ACBD6: variants seen among roughly 807,000 people sequenced by gnomAD.
The protein encoded by ACBD6 is acyl-CoA-binding domain-containing protein 6.
Under a neutral mutation model 37.2 loss-of-function variants are expected in ACBD6, and 28 were observed. The observed-to-expected ratio is 0.75, with a 90% CI of 0.56 to 1.03. ACBD6 has a LOEUF of 1.03. Ranked by LOEUF, ACBD6 falls within the 50% of genes least tolerant of loss-of-function variation. The pLI, the probability that ACBD6 is intolerant of heterozygous loss-of-function variation, is 0.00. For synonymous variants in ACBD6, 113 were observed against 126.8 expected, an observed-to-expected ratio of 0.89 and a Z score of 0.73; for missense variants, 340 against 337.4, an observed-to-expected ratio of 1.01 and a Z score of -0.06.
intron 7 of ACBD6, among the ~76,000 whole-genome samples, chr1:180,303,432 C>T (rs1440408525): frequency 1.3e-5 from 2 of 149,364 alleles, no homozygotes; most frequent in Non-Finnish European, 3.0e-5. Flanking sequence ...ACATCACCAC[C>T]AATCCCGCAG....
At chr1:180,334,848 G>C (rs1207825152) in intron 6 of ACBD6, among the ~76,000 whole-genome samples, 3 of 152,140 alleles carry the variant, frequency 2.0e-5, no homozygotes, top group Non-Finnish European at 2.9e-5. Context: ...CATGGCACGA[G>C]AACTACGTGA....
rs955911331 is a variant in ACBD6, at chr1:180,501,935, T to C, written c.222+110A>G. 5 of 875,166 alleles carry C rather than the reference T, an allele frequency of 5.7e-6. No homozygotes were observed. In the African/African-American group the frequency reaches 8.0e-5, roughly 14 times the overall value. 54.2% of individuals were successfully genotyped at this position (875,166 alleles called of 1,614,324 possible). ...AAAAAAAAACAAAACAAAATACACA[T>C]ACACAAGCTTCATTACACCTAGCTA... On this transcript the variant is annotated intron_variant, in intron 1 of 7. Transcript: ENST00000367595.
chr1:180,499,720 C>T (rs2102105847), intron 1 of ACBD6, among the ~76,000 whole-genome samples: 1 of 152,246 alleles, frequency 6.6e-6, no homozygotes, highest in South Asian at 2.1e-4. Context: ...TCAAAAGTTT[C>T]ACTCTAATGT....
intron 8 of ACBD6, among the ~76,000 whole-genome samples, chr1:180,282,374 A>G (rs1446746020): frequency 6.6e-6 from 1 of 152,154 alleles, no homozygotes; most frequent in Admixed American, 6.5e-5. Context: ...CTTGGCACAC[A>G]TTTGGAGTTG....
intron 3 of ACBD6, among the ~76,000 whole-genome samples, chr1:180,464,107 G>A (rs10914003): frequency 0.99 from 151,173 of 152,296 alleles, 75,036 homozygotes; most frequent in East Asian, 1. Flanking sequence ...ATACTAACTG[G>A]GCAAAAGCTG....
chr1:180,324,825 TTTC>T (rs1335729094), intron 6 of ACBD6, among the ~76,000 whole-genome samples: 1 of 152,214 alleles, frequency 6.6e-6, no homozygotes, highest in African/African-American at 2.4e-5. Context: ...ACAGTCTTTA[TTTC>T]TTCTTCATGC....
At chr1:180,364,980 A>G (rs1334104752) in intron 6 of ACBD6, among the ~76,000 whole-genome samples, 9 of 152,072 alleles carry the variant, frequency 5.9e-5, no homozygotes, top group Admixed American at 1.3e-4. Context: ...TGATCCGCCC[A>G]CCTTGGCCTC....
At chr1:180,302,014 T>C (rs575129731) in intron 7 of ACBD6, among the ~76,000 whole-genome samples, 7 of 152,038 alleles carry the variant, frequency 4.6e-5, no homozygotes, top group East Asian at 1.9e-4. Flanking sequence ...TTTTGATAAA[T>C]TTTAACTTTT....
chr1:180,442,466 A>G (rs1317119494), intron 3 of ACBD6, among the ~76,000 whole-genome samples: 1 of 152,222 alleles, frequency 6.6e-6, no homozygotes, highest in Non-Finnish European at 1.5e-5. Context: ...CCAGAATATC[A>G]ATGGAGCAAA....
chr1:180,274,291 AG>A, intron 10 of ACBD6: 1 of 1,614,218 alleles, frequency 6.2e-7, no homozygotes, highest in Non-Finnish European at 8.5e-7. Flanking sequence ...TGGACGGGAC[AG>A]GACAATCCTA....
intron 3 of ACBD6, among the ~76,000 whole-genome samples, chr1:180,490,684 G>T (rs535155758): frequency 6.6e-6 from 1 of 151,534 alleles, no homozygotes; most frequent in African/African-American, 2.4e-5. Flanking sequence ...TACTCAGGCG[G>T]CTGAGGCAGG....
In ACBD6 at chr1:180,314,597, C is replaced by T. The variant is rs1650725764; in HGVS notation, c.694+95G>A. 5 of 1,017,436 alleles carry T rather than the reference C, an allele frequency of 4.9e-6. No individual in the cohort carries two copies. The South Asian group carries it at 6.9e-5, about 14-fold the overall frequency. 63.0% of individuals were successfully genotyped at this position (1,017,436 alleles called of 1,614,324 possible). A position where few individuals can be genotyped will look rare whatever the true frequency, so the allele number is the denominator to read the frequency against. On this transcript the variant is annotated intron_variant, in intron 7 of 7. Coordinates refer to ENST00000367595, the MANE Select transcript of ACBD6 (RefSeq NM_032360.4). ...TTGTATCTCTGCTAGCTGCCAGGTA[C>T]CTATCTAAGCACTATATAGGAATGG...
chr1:180,334,160 G>C (rs1179051841), intron 6 of ACBD6, among the ~76,000 whole-genome samples: 1 of 152,238 alleles, frequency 6.6e-6, no homozygotes, highest in Admixed American at 6.5e-5. Context: ...CAGCTTTGAA[G>C]AGAGTAGTGG....
chr1:180,499,978 G>A (rs986525123), intron 1 of ACBD6, among the ~76,000 whole-genome samples: 6 of 152,092 alleles, frequency 3.9e-5, no homozygotes, highest in South Asian at 4.2e-4. Flanking sequence ...CTGGGCATGC[G>A]GGATCATGTC....
At chr1:180,294,498 C>T (rs943419715) in intron 7 of ACBD6, among the ~76,000 whole-genome samples, 3 of 151,718 alleles carry the variant, frequency 2.0e-5, no homozygotes, top group East Asian at 1.9e-4. Context: ...AGGCTGAGAT[C>T]GCACCACTGC....
chr1:180,369,454 A>C (rs1193672840), intron 6 of ACBD6, among the ~76,000 whole-genome samples: 2 of 152,140 alleles, frequency 1.3e-5, no homozygotes, highest in Non-Finnish European at 2.9e-5. Context: ...TAAAAGTACT[A>C]AGCAGCTATA....
intron 6 of ACBD6, among the ~76,000 whole-genome samples, chr1:180,333,532 G>T (rs549440337): frequency 2.0e-5 from 3 of 152,186 alleles, no homozygotes; most frequent in Non-Finnish European, 4.4e-5. Context: ...TTATCTGCAA[G>T]GATGTTCATG....
intron 3 of ACBD6, among the ~76,000 whole-genome samples, chr1:180,437,423 G>A (rs1649088667): frequency 6.6e-6 from 1 of 152,190 alleles, no homozygotes; most frequent in Non-Finnish European, 1.5e-5. Context: ...GGTGTCTGCT[G>A]CAGAACTGCT....
intron 7 of ACBD6, among the ~76,000 whole-genome samples, chr1:180,301,352 C>T (rs1282289603): frequency 6.6e-6 from 1 of 152,142 alleles, no homozygotes; most frequent in Non-Finnish European, 1.5e-5. Flanking sequence ...TACTAATATT[C>T]TATGGCTGAC....
Sources: allele counts gnomAD v4.1 joint callset (sites outside exome capture counted in the v4.1 genomes callset), GRCh38; gene constraint gnomAD v4.1.1; transcripts MANE v1.5; gene names NCBI Gene and HGNC (gene_info 2026-07-23, HGNC 2026-07-21).